The following ROR1 variants were observed in gnomAD, a reference collection of about 807,000 sequenced individuals.
The protein encoded by ROR1 is ROR family WNT receptor 1, also known as inactive tyrosine-protein kinase transmembrane receptor ROR1.
Under a neutral mutation model 78.8 loss-of-function variants are expected in ROR1, and 19 were observed. That is an observed-to-expected ratio of 0.24 (90% CI 0.17 to 0.35). The LOEUF (loss-of-function observed/expected upper bound fraction) is 0.35. Among genes scored for constraint, ROR1 ranks in the 10% least tolerant of loss-of-function variants. The pLI is 1.00. For synonymous variants in ROR1, 386 were observed against 433.6 expected, an observed-to-expected ratio of 0.89 and a Z score of 1.36; for missense variants, 917 against 1,177.8, an observed-to-expected ratio of 0.78 and a Z score of 3.24.
chr1:64,049,967 T>A lies in ROR1; in HGVS notation c.440T>A (p.Phe147Tyr). ...GTGGTTTCTTCCACTGGAGTCTTGT[T>A]TGTCAAGTTTGGTAAGCAGACCCCT... Reference protein sequence around the residue: ...KEVVSSTGVLFVKFGPPPTAS... With the variant: ...KEVVSSTGVLYVKFGPPPTAS... The change falls in exon 3 of 9, where the codon TTT becomes TAT. Residue 147 changes from phenylalanine (F) to tyrosine (Y), a missense_variant. Coordinates refer to ENST00000371079, the MANE Select transcript of ROR1 (RefSeq NM_005012.4). 3.1e-6 allele frequency: 5 copies of A among 1,614,156 alleles called. No homozygotes were observed. Among genetic ancestry groups the A allele is most frequent in the Non-Finnish European group, 4.2e-6 (5 of 1,180,008 alleles).
At chr1:64,101,062 G>C (rs1248249938) in intron 4 of ROR1, among the ~76,000 whole-genome samples, 1 of 152,196 alleles carries the variant, frequency 6.6e-6, no homozygotes, top group Non-Finnish European at 1.5e-5. Flanking sequence ...GAAAGGTTCA[G>C]GGTCACAGAT....
intron 1 of ROR1, among the ~76,000 whole-genome samples, chr1:63,873,414 A>G (rs1645264685): frequency 6.6e-6 from 1 of 152,306 alleles, no homozygotes; most frequent in East Asian, 1.9e-4. Context: ...AAAAAACAAA[A>G]CAAAACCAAC....
intron 1 of ROR1, among the ~76,000 whole-genome samples, chr1:63,848,349 A>AT (rs1645094402): frequency 6.6e-6 from 1 of 152,202 alleles, no homozygotes. Flanking sequence ...AGTGACTGCA[A>AT]TAAGATCCTG....
At chr1:63,929,825 A>G (rs1214725343) in intron 1 of ROR1, among the ~76,000 whole-genome samples, 1 of 152,120 alleles carries the variant, frequency 6.6e-6, no homozygotes, top group Non-Finnish European at 1.5e-5. Flanking sequence ...ACAGATTATA[A>G]ATGAAGAGAC....
rs369122615 is a variant in ROR1, at chr1:63,817,550, A to C, written c.91+43042A>C. On this transcript the variant is annotated intron_variant, in intron 1 of 8. Transcript: ENST00000371079. ...GTTTGCTCTTTGGCAGAAGACCAAA[A>C]CTCAGTACAGTATCATTAGCATGCT... Among the ~76,000 whole-genome samples, 4 of 152,272 alleles carry C rather than the reference A, an allele frequency of 2.6e-5. No individual in the cohort carries two copies. In the East Asian group the frequency reaches 7.7e-4, roughly 29 times the overall value.
At chr1:64,158,200 A>T (rs1649830946) in intron 7 of ROR1, among the ~76,000 whole-genome samples, 1 of 152,242 alleles carries the variant, frequency 6.6e-6, no homozygotes, top group African/African-American at 2.4e-5. Context: ...TCAAAAATAT[A>T]CTTCAAAGTG....
intron 1 of ROR1, among the ~76,000 whole-genome samples, chr1:63,917,553 A>C (rs1315110042): frequency 6.6e-6 from 1 of 152,228 alleles, no homozygotes; most frequent in Non-Finnish European, 1.5e-5. Context: ...GACTCAAATC[A>C]GATTTGTATG....
At chr1:63,905,422 G>A (rs1645520527) in intron 1 of ROR1, among the ~76,000 whole-genome samples, 1 of 152,118 alleles carries the variant, frequency 6.6e-6, no homozygotes, top group African/African-American at 2.4e-5. Context: ...ATCAGGTGAT[G>A]GGATTATGAG....
intron 1 of ROR1, among the ~76,000 whole-genome samples, chr1:63,932,052 A>G (rs563393596): frequency 6.6e-6 from 1 of 152,216 alleles, no homozygotes; most frequent in South Asian, 2.1e-4. Flanking sequence ...CCTACCTTAC[A>G]TGCTTGCAGT....
chr1:63,915,258 G>A (rs893499399), intron 1 of ROR1, among the ~76,000 whole-genome samples: 4 of 152,210 alleles, frequency 2.6e-5, no homozygotes, highest in East Asian at 1.9e-4. Context: ...CAATGCAGAC[G>A]TGAGGGAGAC....
chr1:63,979,709 G>A (rs1046850477), intron 1 of ROR1, among the ~76,000 whole-genome samples: 1 of 152,134 alleles, frequency 6.6e-6, no homozygotes, highest in Non-Finnish European at 1.5e-5. Flanking sequence ...ACAGAGCTGG[G>A]CAAGGAATGA....
At chr1:63,836,035 T>C (rs2100305871) in intron 1 of ROR1, among the ~76,000 whole-genome samples, 1 of 152,364 alleles carries the variant, frequency 6.6e-6, no homozygotes, top group Non-Finnish European at 1.5e-5. Context: ...GAAAACATTG[T>C]TCCTTAGGTA....
intron 1 of ROR1, among the ~76,000 whole-genome samples, chr1:63,950,031 A>G (rs1052658259): frequency 2.6e-5 from 4 of 152,172 alleles, no homozygotes; most frequent in African/African-American, 9.7e-5. Flanking sequence ...AAAGTTGGCT[A>G]AACATCAGAA....
At chr1:64,156,845 G>A (rs562766784) in intron 7 of ROR1, among the ~76,000 whole-genome samples, 42 of 152,216 alleles carry the variant, frequency 2.8e-4, no homozygotes, top group African/African-American at 1.0e-3. Flanking sequence ...AGAAAATAGG[G>A]GCAAAATTCT....
At chr1:64,083,240 TAGAG>T (rs1361913270) in intron 4 of ROR1, among the ~76,000 whole-genome samples, 8 of 151,906 alleles carry the variant, frequency 5.3e-5, no homozygotes, top group South Asian at 2.1e-4. Flanking sequence ...GAACATGAAA[TAGAG>T]AGAGAGCTTT....
chr1:63,957,594 T>C (rs1238507641), intron 1 of ROR1, among the ~76,000 whole-genome samples: 1 of 152,130 alleles, frequency 6.6e-6, no homozygotes, highest in Non-Finnish European at 1.5e-5. Flanking sequence ...AGCACATGGG[T>C]TGCATATCTT....
intron 2 of ROR1, among the ~76,000 whole-genome samples, chr1:64,031,252 T>C (rs1195309566): frequency 1.3e-5 from 2 of 152,208 alleles, no homozygotes; most frequent in African/African-American, 4.8e-5. Context: ...TTCTGACCAG[T>C]AGAGGCTGTA....
chr1:63,805,842 C>T (rs910861848), intron 1 of ROR1, among the ~76,000 whole-genome samples: 22 of 152,154 alleles, frequency 1.4e-4, no homozygotes, highest in Non-Finnish European at 3.2e-4. Flanking sequence ...ATAGCAAGAT[C>T]CTGTCTCTAT....
chr1:63,929,972 T>A (rs1645738115), intron 1 of ROR1, among the ~76,000 whole-genome samples: 1 of 152,078 alleles, frequency 6.6e-6, no homozygotes, highest in Non-Finnish European at 1.5e-5. Flanking sequence ...GACTTTTTTT[T>A]ATTATTATTA....
Sources: gnomAD v4.1 joint callset for allele counts (sites outside exome capture counted in the v4.1 genomes callset) on GRCh38, gnomAD v4.1.1 for gene constraint, MANE v1.5 for transcripts, NCBI Gene and HGNC (gene_info 2026-07-23, HGNC 2026-07-21) for gene names.